Variants in SAMHD1 observed in about 807,000 individuals in gnomAD.
SAMHD1 encodes the protein SAM and HD domain containing deoxynucleoside triphosphate triphosphohydrolase 1, also known as deoxynucleoside triphosphate triphosphohydrolase SAMHD1.
A neutral mutation model predicts 79.6 loss-of-function variants in SAMHD1; 54 were observed. That is an observed-to-expected ratio of 0.68 (90% CI 0.55 to 0.85). The LOEUF (loss-of-function observed/expected upper bound fraction) is 0.85. SAMHD1 is among the 40% of genes least tolerant of loss of function. The probability of loss-of-function intolerance (pLI) is 0.00; values close to 1 mark genes in which losing one functional copy is unlikely to be tolerated. For synonymous variants in SAMHD1, 260 were observed against 264.1 expected (o/e 0.98, Z 0.15); for missense variants, 663 against 782.7 (o/e 0.85, Z 1.82).
intron 3 of SAMHD1, among the ~76,000 whole-genome samples, chr20:36,938,754 G>A (rs1403761358): frequency 6.6e-6 from 1 of 151,854 alleles, no homozygotes; most frequent in Non-Finnish European, 1.5e-5. Flanking sequence ...GCTGAGGCAG[G>A]AGAATCACTT....
chr20:36,927,101 G>T, intron 6 of SAMHD1, 81 bp downstream of exon 6: 2 of 1,244,510 alleles, frequency 1.6e-6, no homozygotes, highest in Non-Finnish European at 1.2e-6. Context: ...ACACAGTAGT[G>T]GAACCAAACA....
intron 2 of SAMHD1, among the ~76,000 whole-genome samples, chr20:36,941,822 C>T (rs763094386): frequency 1.3e-5 from 2 of 152,138 alleles, no homozygotes; most frequent in Non-Finnish European, 2.9e-5. Flanking sequence ...ATGGTACACA[C>T]TGAACCCATG....
rs183946328 is a variant in SAMHD1 at position 36,892,705 on chromosome 20, G to C, written c.*227C>G. On this transcript the variant is annotated 3_prime_UTR_variant, in exon 16 of 16. Transcript: ENST00000646673. Reference sequence around the variant, plus strand: ...GAAAATAGACTACTGAAGGAGAAAGGCTTTAATAATATTAAAAATAGGCAA... The same window carrying C: ...GAAAATAGACTACTGAAGGAGAAAGCCTTTAATAATATTAAAAATAGGCAA... 4.9e-6 allele frequency: 3 copies of C among 609,856 alleles called. No individual in the cohort carries two copies. Among genetic ancestry groups the C allele is most frequent in the Admixed American group, 2.8e-5 (1 of 35,704 alleles). The allele number at this position is 609,856 out of a possible 1,614,324, so 37.8% of individuals were successfully genotyped here.
intron 5 of SAMHD1, among the ~76,000 whole-genome samples, chr20:36,929,259 T>C (rs909191861): frequency 2.6e-5 from 4 of 152,054 alleles, no homozygotes; most frequent in East Asian, 1.9e-4. Context: ...GGGGCTGGTA[T>C]TGGTTCTTTG....
At chr20:36,936,278 A>C (rs1023321538) in intron 3 of SAMHD1, among the ~76,000 whole-genome samples, 1 of 152,052 alleles carries the variant, frequency 6.6e-6, no homozygotes, top group Non-Finnish European at 1.5e-5. Flanking sequence ...AATTTTGTAC[A>C]GCTGAACAAT....
At chr20:36,911,951 A>T (rs1489128060) in intron 10 of SAMHD1, 1 of 181,734 alleles carries the variant, frequency 5.5e-6, no homozygotes, top group African/African-American at 2.4e-5. Context: ...ACCTGGCTGT[A>T]CAGTTTTCTG....
chr20:36,890,438 T>C lies in SAMHD1; in HGVS notation c.*2494A>G, dbSNP rs543929673. Reference sequence around the variant, plus strand: ...TCTTTCTTTTCTTTCTCTCTTTCCTTCCTTCCTTCCCTCCTTCCTTCCTTC... The same window carrying C: ...TCTTTCTTTTCTTTCTCTCTTTCCTCCCTTCCTTCCCTCCTTCCTTCCTTC... On this transcript the variant is annotated 3_prime_UTR_variant, in exon 16 of 16. Coordinates refer to ENST00000646673, the MANE Select transcript of SAMHD1 (RefSeq NM_015474.4). 54 of 148,494 alleles carry C rather than the reference T, an allele frequency of 3.6e-4. No homozygotes were observed. The highest frequency in any genetic ancestry group is 1.3e-3 in the African/African-American group (52 of 40,652). The allele number at this position is 148,494 out of a possible 1,614,324, so 9.2% of individuals were successfully genotyped here.
rs1031425254 is a variant in SAMHD1, at chr20:36,935,312, C to T, written c.349-123G>A. ...TTGATTTTTCAAGTAAAAATACTAA[C>T]GGAAATGACAAGATGTTAACATCAT... On this transcript the variant is annotated intron_variant, in intron 3 of 15. Coordinates refer to ENST00000646673, the MANE Select transcript of SAMHD1 (RefSeq NM_015474.4). 9 of 780,220 alleles carry T rather than the reference C, an allele frequency of 1.2e-5. No homozygotes were observed. The African/African-American group carries it at 1.2e-4, about 10-fold the overall frequency. The allele number at this position is 780,220 out of a possible 1,614,324, so 48.3% of individuals were successfully genotyped here.
At chr20:36,907,506 A>AAGGC (rs2063411809) in intron 11 of SAMHD1, among the ~76,000 whole-genome samples, 1 of 151,972 alleles carries the variant, frequency 6.6e-6, no homozygotes, top group Admixed American at 6.6e-5. Flanking sequence ...GCTGGGACTA[A>AAGGC]AGGCACATGC....
intron 15 of SAMHD1, chr20:36,893,409 C>A: frequency 2.6e-6 from 1 of 383,910 alleles, no homozygotes. Flanking sequence ...TGCACTGAAC[C>A]CCTAGCTTCT....
intron 2 of SAMHD1, among the ~76,000 whole-genome samples, chr20:36,945,178 C>G (rs2063677534): frequency 6.6e-6 from 1 of 152,138 alleles, no homozygotes; most frequent in East Asian, 1.9e-4. Context: ...GGTGGGACTA[C>G]AGGTGCATGC....
rs570535296 is a variant in SAMHD1 at position 36,892,828 on chromosome 20, C to G, written c.*104G>C. ...TCAGCATGCGTGTACATTCAAAATA[C>G]AAAATTAAAGCATGAGTTGTCATTA... On this transcript the variant is annotated 3_prime_UTR_variant, in exon 16 of 16. Transcript: ENST00000646673. The G allele has an allele frequency of 2.4e-5, 35 of 1,469,142 alleles. No individual in the cohort carries two copies. The highest frequency in any genetic ancestry group is 3.1e-5 in the Non-Finnish European group (32 of 1,048,244). The allele number at this position is 1,469,142 out of a possible 1,614,324, so 91.0% of individuals were successfully genotyped here. A position where few individuals can be genotyped will look rare whatever the true frequency, so the allele number is the denominator to read the frequency against.
intron 1 of SAMHD1, among the ~76,000 whole-genome samples, chr20:36,950,374 C>A (rs923806595): frequency 2.0e-5 from 3 of 151,820 alleles, no homozygotes; most frequent in African/African-American, 4.8e-5. Context: ...CCCATTCAAG[C>A]TATCTTTGGG....
intron 4 of SAMHD1, among the ~76,000 whole-genome samples, chr20:36,932,209 G>C (rs2063571705): frequency 6.6e-6 from 1 of 151,798 alleles, no homozygotes; most frequent in Admixed American, 6.6e-5. Flanking sequence ...CAGCTACTTG[G>C]AAGGCTGCTT....
chr20:36,919,987 C>T (rs1481656605), intron 6 of SAMHD1, among the ~76,000 whole-genome samples: 1 of 152,140 alleles, frequency 6.6e-6, no homozygotes, highest in Non-Finnish European at 1.5e-5. Context: ...GTTTGCTCAT[C>T]TCTCTCTGCT....
At chr20:36,933,169 C>T (rs900162010) in intron 4 of SAMHD1, among the ~76,000 whole-genome samples, 2 of 152,112 alleles carry the variant, frequency 1.3e-5, no homozygotes, top group Non-Finnish European at 2.9e-5. Context: ...ACTAAAAATG[C>T]TTCTACACAA....
chr20:36,917,041 A>G lies in SAMHD1; in HGVS notation c.861T>C (p.Tyr287=), dbSNP rs752962934. 3 of 1,611,934 alleles carry G rather than the reference A, an allele frequency of 1.9e-6. No individual in the cohort carries two copies. The highest frequency in any genetic ancestry group is 1.3e-5 in the African/African-American group (1 of 75,028). The change falls in exon 8 of 16, where the codon TAT becomes TAC. Residue 287 remains tyrosine, a synonymous_variant. Coordinates refer to ENST00000646673, the MANE Select transcript of SAMHD1 (RefSeq NM_015474.4). The part of the protein sequence containing the change: ...ESPVEDSLWP[Y]KGRPENKSFL... ...AGCTTTTGTTTTCAGGACGCCCTTT[A>G]TATGGCCACTGGAAGGCAAGAAAAC...
chr20:36,942,808 A>G (rs1235741300), intron 2 of SAMHD1, among the ~76,000 whole-genome samples: 1 of 151,748 alleles, frequency 6.6e-6, no homozygotes, highest in Admixed American at 6.6e-5. Context: ...CACCATGCCC[A>G]GCTAATTTCT....
chr20:36,892,701 A>G lies in SAMHD1; in HGVS notation c.*231T>C. 1 of 597,240 alleles carries G rather than the reference A, an allele frequency of 1.7e-6. No individual in the cohort carries two copies. 37.0% of individuals were successfully genotyped at this position (597,240 alleles called of 1,614,324 possible). A position where few individuals can be genotyped will look rare whatever the true frequency, so the allele number is the denominator to read the frequency against. ...CTAAGAAAATAGACTACTGAAGGAG[A>G]AAGGCTTTAATAATATTAAAAATAG... is the stretch of plus-strand genomic sequence containing the variant. On this transcript the variant is annotated 3_prime_UTR_variant, in exon 16 of 16. Coordinates refer to ENST00000646673, the MANE Select transcript of SAMHD1 (RefSeq NM_015474.4).
Sources: gnomAD v4.1 joint callset for allele counts (sites outside exome capture counted in the v4.1 genomes callset) on GRCh38, gnomAD v4.1.1 for gene constraint, MANE v1.5 for transcripts, NCBI Gene and HGNC (gene_info 2026-07-23, HGNC 2026-07-21) for gene names.